The following STX7 variants were observed in gnomAD, a reference collection of about 807,000 sequenced individuals.
STX7 encodes the protein syntaxin-7.
STX7 carries 34 observed loss-of-function variants against 39.6 expected under a neutral mutation model. The observed-to-expected ratio is 0.86, with a 90% CI of 0.65 to 1.14. The LOEUF is 1.14. Among genes scored for constraint, STX7 ranks in the 50% most tolerant of loss-of-function variants. The pLI is 0.00. For missense variants in STX7, 284 were observed against 310.4 expected (o/e 0.92, Z 0.64); for synonymous variants, 119 against 99.1 (o/e 1.20, Z -1.19).
intron 2 of STX7, among the ~76,000 whole-genome samples, chr6:132,492,808 G>C (rs979487228): frequency 1.3e-5 from 2 of 152,286 alleles, no homozygotes; most frequent in African/African-American, 4.8e-5. Flanking sequence ...ATTAAAAATA[G>C]TTTTAAAATA....
intron 2 of STX7, among the ~76,000 whole-genome samples, chr6:132,496,047 C>T (rs913842051): frequency 6.6e-6 from 1 of 152,114 alleles, no homozygotes; most frequent in Non-Finnish European, 1.5e-5. Context: ...CACTTAAAAG[C>T]TTACGTTCAT....
intron 2 of STX7, among the ~76,000 whole-genome samples, chr6:132,483,714 A>G (rs1025628510): frequency 6.6e-6 from 1 of 152,200 alleles, no homozygotes; most frequent in Non-Finnish European, 1.5e-5. Flanking sequence ...CCCTTCTAGA[A>G]GGTATGGATA....
chr6:132,495,847 T>C (rs1018461981), intron 2 of STX7, among the ~76,000 whole-genome samples: 4 of 152,184 alleles, frequency 2.6e-5, no homozygotes, highest in African/African-American at 7.2e-5. Flanking sequence ...GCACCAATTC[T>C]TAATAAACAA....
rs1016900011 is a variant in STX7, at chr6:132,450,971, T to C, written c.*9787A>G. ...CCCCCCAAATCTACAAGATACATCA[T>C]GGTTAAACAACTAAAAACTAAACAC... is the stretch of plus-strand genomic sequence containing the variant. On this transcript the variant is annotated 3_prime_UTR_variant, in exon 10 of 10. Coordinates refer to ENST00000367941, the MANE Select transcript of STX7 (RefSeq NM_003569.3). 3 of 151,562 alleles carry C rather than the reference T, an allele frequency of 2.0e-5. No homozygotes were observed. The highest frequency in any genetic ancestry group is 1.5e-5 in the Non-Finnish European group (1 of 67,918). The allele number at this position is 151,562 out of a possible 1,614,324, so 9.4% of individuals were successfully genotyped here. A position where few individuals can be genotyped will look rare whatever the true frequency, so the allele number is the denominator to read the frequency against.
intron 2 of STX7, among the ~76,000 whole-genome samples, chr6:132,485,937 T>C (rs1775122223): frequency 6.6e-6 from 1 of 152,250 alleles, no homozygotes; most frequent in African/African-American, 2.4e-5. Flanking sequence ...TCACTTATAT[T>C]GCCTTCTAAG....
chr6:132,490,825 T>G (rs1356732331), intron 2 of STX7, among the ~76,000 whole-genome samples: 1 of 151,890 alleles, frequency 6.6e-6, no homozygotes, highest in Non-Finnish European at 1.5e-5. Flanking sequence ...AAAAACCAGG[T>G]GGGGAACACC....
chr6:132,468,320 GTT>G, intron 8 of STX7, 81 bp downstream of exon 8: 2 of 1,048,756 alleles, frequency 1.9e-6, no homozygotes, highest in Admixed American at 4.0e-5. Flanking sequence ...ACAGAAAGTG[GTT>G]ACTCTTCTGT....
rs1044032164 is a variant in STX7 at position 132,451,555 on chromosome 6, T to C, written c.*9203A>G. On this transcript the variant is annotated 3_prime_UTR_variant, in exon 10 of 10. Transcript: ENST00000367941. Reference sequence around the variant, plus strand: ...GTTGCCAATGGAACTACAATAATAATAATAAGGCTAAAGGAGTGCTCTAAA... The same window carrying C: ...GTTGCCAATGGAACTACAATAATAACAATAAGGCTAAAGGAGTGCTCTAAA... 2.0e-5 allele frequency: 3 copies of C among 152,062 alleles called. No homozygotes were observed. The highest frequency in any genetic ancestry group is 7.2e-5 in the African/African-American group (3 of 41,394). The allele number at this position is 152,062 out of a possible 1,614,324, so 9.4% of individuals were successfully genotyped here. A position where few individuals can be genotyped will look rare whatever the true frequency, so the allele number is the denominator to read the frequency against.
chr6:132,446,894 G>C lies in STX7; in HGVS notation c.*13864C>G, dbSNP rs1363731367. On this transcript the variant is annotated 3_prime_UTR_variant, in exon 10 of 10. Transcript: ENST00000367941. ...GCAGTGCCTATCATTTCTGCAGTTA[G>C]GATGGAGTCAATTCCATCCAAAGCC... The C allele has an allele frequency of 6.6e-6, 1 of 152,080 alleles. No homozygotes were observed. The highest frequency in any genetic ancestry group is 1.5e-5 in the Non-Finnish European group (1 of 68,034). 9.4% of individuals were successfully genotyped at this position (152,080 alleles called of 1,614,324 possible). A position where few individuals can be genotyped will look rare whatever the true frequency, so the allele number is the denominator to read the frequency against.
At position 132,458,399 on chromosome 6, in the gene STX7, G is replaced by C. The variant is rs1325685475; in HGVS notation, c.*2359C>G. 6.6e-6 allele frequency: 1 copy of C among 152,118 alleles called. No homozygotes were observed. Among genetic ancestry groups the C allele is most frequent in the Non-Finnish European group, 1.5e-5 (1 of 68,028 alleles). The allele number at this position is 152,118 out of a possible 1,614,324, so 9.4% of individuals were successfully genotyped here. ...CCATCAATCATATTGCAAAACCATA[G>C]TATTTAACGACCAATAAACAGCCAA... On this transcript the variant is annotated 3_prime_UTR_variant, in exon 10 of 10. Coordinates refer to ENST00000367941, the MANE Select transcript of STX7 (RefSeq NM_003569.3).
chr6:132,501,155 C>T (rs929919099), intron 2 of STX7, among the ~76,000 whole-genome samples: 2 of 151,738 alleles, frequency 1.3e-5, no homozygotes, highest in Admixed American at 6.6e-5. Flanking sequence ...CAGGTTCAAG[C>T]GATTCCCCTG....
chr6:132,500,480 T>G (rs1258930630), intron 2 of STX7, among the ~76,000 whole-genome samples: 1 of 152,200 alleles, frequency 6.6e-6, no homozygotes, highest in Non-Finnish European at 1.5e-5. Context: ...ATCTTCTCAC[T>G]ACCAGTCCCT....
chr6:132,497,956 C>T (rs572775164), intron 2 of STX7, among the ~76,000 whole-genome samples: 22 of 152,252 alleles, frequency 1.4e-4, no homozygotes, highest in African/African-American at 5.1e-4. Context: ...TGATAACAAA[C>T]GATTTTGTTT....
rs1774292488 is a variant in STX7 at position 132,458,122 on chromosome 6, T to C, written c.*2636A>G. The C allele has an allele frequency of 6.6e-6, 1 of 152,242 alleles. No individual in the cohort carries two copies. The allele number at this position is 152,242 out of a possible 1,614,324, so 9.4% of individuals were successfully genotyped here. A position where few individuals can be genotyped will look rare whatever the true frequency, so the allele number is the denominator to read the frequency against. The stretch of plus-strand genomic sequence containing the variant: ...CAATTGATATTCAAAAACACAACTT[T>C]TTGTGTACAAAATTTTACAATTTTT... On this transcript the variant is annotated 3_prime_UTR_variant, in exon 10 of 10. Coordinates refer to ENST00000367941, the MANE Select transcript of STX7 (RefSeq NM_003569.3).
chr6:132,493,628 C>A (rs1480913230), intron 2 of STX7, among the ~76,000 whole-genome samples: 5 of 152,198 alleles, frequency 3.3e-5, no homozygotes, highest in Non-Finnish European at 7.3e-5. Context: ...TGATCCATTA[C>A]ACCTCTTTTT....
At position 132,446,228 on chromosome 6, in the gene STX7, G is replaced by C. The variant is rs1397897248; in HGVS notation, c.*14530C>G. ...ATTGTAATTTCTTTTTAAACTACCT[G>C]ACCCTTATAATCATATGGTGAGTTG... On this transcript the variant is annotated 3_prime_UTR_variant, in exon 10 of 10. Transcript: ENST00000367941. 1 of 152,138 alleles carries C rather than the reference G, an allele frequency of 6.6e-6. No homozygotes were observed. The highest frequency in any genetic ancestry group is 6.5e-5 in the Admixed American group (1 of 15,270). 9.4% of individuals were successfully genotyped at this position (152,138 alleles called of 1,614,324 possible).
intron 2 of STX7, among the ~76,000 whole-genome samples, chr6:132,495,430 A>G (rs905138549): frequency 2.0e-5 from 3 of 152,202 alleles, no homozygotes; most frequent in African/African-American, 7.2e-5. Flanking sequence ...CAGATGTGCA[A>G]TCTTAGACAT....
rs557238772 is a variant in STX7 at position 132,455,309 on chromosome 6, T to A, written c.*5449A>T. 15 of 152,278 alleles carry A rather than the reference T, an allele frequency of 9.9e-5. No individual in the cohort carries two copies. Among genetic ancestry groups the A allele is most frequent in the African/African-American group, 3.4e-4 (14 of 41,548 alleles). 9.4% of individuals were successfully genotyped at this position (152,278 alleles called of 1,614,324 possible). A position where few individuals can be genotyped will look rare whatever the true frequency, so the allele number is the denominator to read the frequency against. ...GGGCATTAAAAAGTGAAACTAGGTATCAGAAAAATCTTAGTCGAGGCTAAA... is the reference window on the plus strand; with the variant it reads ...GGGCATTAAAAAGTGAAACTAGGTAACAGAAAAATCTTAGTCGAGGCTAAA... On this transcript the variant is annotated 3_prime_UTR_variant, in exon 10 of 10. Transcript: ENST00000367941.
chr6:132,473,894 T>A (rs1774803397), intron 3 of STX7, among the ~76,000 whole-genome samples: 1 of 152,156 alleles, frequency 6.6e-6, no homozygotes, highest in East Asian at 1.9e-4. Flanking sequence ...TTAATGCATT[T>A]TTGTAAATCT....
Sources: gnomAD v4.1 joint callset for allele counts (sites outside exome capture counted in the v4.1 genomes callset) on GRCh38, gnomAD v4.1.1 for gene constraint, MANE v1.5 for transcripts, NCBI Gene and HGNC (gene_info 2026-07-23, HGNC 2026-07-21) for gene names.